The following ADAMTS2 variants were observed in gnomAD, a reference collection of about 807,000 sequenced individuals.
ADAMTS2 encodes the protein ADAM metallopeptidase with thrombospondin type 1 motif 2.
A neutral mutation model predicts 123.0 loss-of-function variants in ADAMTS2; 50 were observed. The observed-to-expected ratio is 0.41, with a 90% CI of 0.32 to 0.51. ADAMTS2 has a LOEUF of 0.51. Ranked by LOEUF, ADAMTS2 falls within the 20% of genes least tolerant of loss-of-function variation. The probability of loss-of-function intolerance (pLI) is 0.35; values close to 1 mark genes in which losing one functional copy is unlikely to be tolerated. For missense variants in ADAMTS2, 1,494 were observed against 1,705.2 expected (o/e 0.88, Z 2.18); for synonymous variants, 678 against 695.4 (o/e 0.98, Z 0.39).
intron 13 of ADAMTS2, among the ~76,000 whole-genome samples, chr5:179,133,869 A>T (rs1763007838): frequency 6.9e-6 from 1 of 145,132 alleles, no homozygotes; most frequent in African/African-American, 2.5e-5. Flanking sequence ...GTCCCAGCTA[A>T]TTTTTTTTTT....
Position 179,312,373 on chromosome 5 carries a change from C to T in ADAMTS2, c.534+31394G>A, listed in dbSNP as rs79722265. The stretch of plus-strand genomic sequence containing the variant: ...ATTATGTCACCAGATTCCATCCACA[C>T]GAATGGGATTTGTGCCCCGATCAGA... On this transcript the variant is annotated intron_variant, in intron 2 of 21. Transcript: ENST00000251582. The surrounding 1 kb of genome is among the most constrained non-coding windows in gnomAD (Gnocchi z 4.2). 6.9e-3 allele frequency among the ~76,000 whole-genome samples: 1,047 copies of T among 152,244 alleles called. 69 individuals carry two copies. The East Asian group carries it at 0.15, about 21-fold the overall frequency.
intron 3 of ADAMTS2, among the ~76,000 whole-genome samples, chr5:179,215,917 A>C (rs1483839536): frequency 2.6e-5 from 4 of 152,202 alleles, no homozygotes; most frequent in African/African-American, 9.6e-5. Flanking sequence ...GTCCAACTGG[A>C]ATTCTGCATC....
rs575839711 is a variant in ADAMTS2 at position 179,225,239 on chromosome 5, G to T, written c.689-17524C>A. On this transcript the variant is annotated intron_variant, in intron 3 of 21. Transcript: ENST00000251582. The surrounding 1 kb of genome is among the most constrained non-coding windows in gnomAD (Gnocchi z 4.5). ...CACATCATGTGCGCTTCAGACAAAG[G>T]ACTAATTTCCTTAATACATAAAGCG... Among the ~76,000 whole-genome samples the T allele has an allele frequency of 1.3e-5, 2 of 152,208 alleles. No individual in the cohort carries two copies. Among genetic ancestry groups the T allele is most frequent in the Non-Finnish European group, 2.9e-5 (2 of 68,042 alleles).
At chr5:179,199,351 G>C (rs543596042) in intron 4 of ADAMTS2, among the ~76,000 whole-genome samples, 1 of 152,180 alleles carries the variant, frequency 6.6e-6, no homozygotes, top group Non-Finnish European at 1.5e-5. Flanking sequence ...GGGCAGGCGT[G>C]GTGGTGGCCA....
At chr5:179,302,405 A>G (rs1202923233) in intron 2 of ADAMTS2, among the ~76,000 whole-genome samples, 1 of 149,494 alleles carries the variant, frequency 6.7e-6, no homozygotes, top group Admixed American at 6.6e-5. Context: ...AAAAAAAAAA[A>G]AAGCGGGGGA....
Position 179,113,596 on chromosome 5 carries a change from C to CT in ADAMTS2, c.*270dup. ...AGTGATCCCTCTTGCCCTGCCCTCA[C>CT]TGAGGGAGGCCATACAGCCTCTATA... is the stretch of plus-strand genomic sequence containing the variant. On this transcript the variant is annotated 3_prime_UTR_variant, in exon 22 of 22. Transcript: ENST00000251582. The CT allele has an allele frequency of 2.0e-6, 1 of 504,452 alleles. No individual in the cohort carries two copies. Among genetic ancestry groups the CT allele is most frequent in the Non-Finnish European group, 3.6e-6 (1 of 278,452 alleles). 31.2% of individuals were successfully genotyped at this position (504,452 alleles called of 1,614,324 possible).
intron 1 of ADAMTS2, among the ~76,000 whole-genome samples, chr5:179,344,800 GC>G (rs1182457781): frequency 6.6e-6 from 1 of 151,974 alleles, no homozygotes; most frequent in African/African-American, 2.4e-5. Context: ...AATCCTTAGG[GC>G]CCAAGGCTAC....
chr5:179,254,287 C>G (rs1765994254), intron 3 of ADAMTS2, among the ~76,000 whole-genome samples: 1 of 152,196 alleles, frequency 6.6e-6, no homozygotes, highest in Admixed American at 6.5e-5. Context: ...CAGCCAGACC[C>G]CAAAGGCCAC....
At chr5:179,116,675 A>G (rs1311697128) in intron 21 of ADAMTS2, among the ~76,000 whole-genome samples, 1 of 152,258 alleles carries the variant, frequency 6.6e-6, no homozygotes, top group East Asian at 1.9e-4. Context: ...AAAAAGATCA[A>G]TGTGAATAAC....
intron 5 of ADAMTS2, among the ~76,000 whole-genome samples, chr5:179,165,335 A>G (rs1018102541): frequency 1.3e-5 from 2 of 152,180 alleles, no homozygotes; most frequent in African/African-American, 4.8e-5. Context: ...TCATATATGG[A>G]TCTCCTCCAG....
chr5:179,259,543 G>A (rs989017972), intron 3 of ADAMTS2, among the ~76,000 whole-genome samples: 13 of 152,184 alleles, frequency 8.5e-5, no homozygotes, highest in South Asian at 2.1e-4. Flanking sequence ...GCCAAGGCAC[G>A]CTGGGAGCAG....
chr5:179,192,398 C>A (rs11741823), intron 4 of ADAMTS2, among the ~76,000 whole-genome samples: 6,150 of 152,316 alleles, frequency 0.04, 165 homozygotes, highest in East Asian at 0.081. Flanking sequence ...TTGGGCTTGG[C>A]GGGAAACGGC....
Position 179,122,762 on chromosome 5 carries a change from G to A in ADAMTS2, c.2970C>T (p.Thr990=), listed in dbSNP as rs769689633. The part of the protein sequence containing the change: ...RAGPWSQCSV[T]CGNGTQERPV... ...GCCGCTCCTGGGTGCCGTTGCCACAGGTTACTGAGCACTGCAGGGGGAGAG... is the reference window on the plus strand; with the variant it reads ...GCCGCTCCTGGGTGCCGTTGCCACAAGTTACTGAGCACTGCAGGGGGAGAG... Residue 990 remains threonine, a synonymous_variant, in exon 20 of 22, where the codon ACC becomes ACT. Transcript: ENST00000251582. The A allele has an allele frequency of 3.3e-5, 52 of 1,555,466 alleles. No homozygotes were observed. Among genetic ancestry groups the A allele is most frequent in the African/African-American group, 5.5e-5 (4 of 73,270 alleles).
chr5:179,258,570 C>G (rs1766129595), intron 3 of ADAMTS2, among the ~76,000 whole-genome samples: 1 of 152,144 alleles, frequency 6.6e-6, no homozygotes, highest in African/African-American at 2.4e-5. Context: ...TCCCTGCAGT[C>G]GTCCAAAAAA....
chr5:179,198,376 T>C (rs187619504), intron 4 of ADAMTS2, among the ~76,000 whole-genome samples: 2 of 152,154 alleles, frequency 1.3e-5, no homozygotes, highest in African/African-American at 2.4e-5. Context: ...CCTCCTAGCC[T>C]CACAGTGCTT....
intron 18 of ADAMTS2, among the ~76,000 whole-genome samples, chr5:179,125,510 T>C (rs1013727919): frequency 6.6e-6 from 1 of 152,172 alleles, no homozygotes; most frequent in Non-Finnish European, 1.5e-5. Flanking sequence ...CCCTGCTACC[T>C]GGCCTCACCT....
rs967495755 is a variant in ADAMTS2, at chr5:179,332,921, C to T, written c.534+10846G>A. Among the ~76,000 whole-genome samples, 11 of 152,156 alleles carry T rather than the reference C, an allele frequency of 7.2e-5. No individual in the cohort carries two copies. The highest frequency in any genetic ancestry group is 2.2e-4 in the African/African-American group (9 of 41,446). On this transcript the variant is annotated intron_variant, in intron 2 of 21. Coordinates refer to ENST00000251582, the MANE Select transcript of ADAMTS2 (RefSeq NM_014244.5). This position sits in a 1 kb window ranked among gnomAD's most constrained non-coding sequence, Gnocchi z 4.2. ...CAACGCCCATGGAGCTCCAGGTGGC[C>T]GCCAAGTGTGGACAGCCCTGCAGCA...
Position 179,137,778 on chromosome 5 carries a change from G to T in ADAMTS2, c.1942C>A (p.His648Asn). Reference protein sequence around the residue: ...DAQHHWLPHEHRDAKERCHLY... With the variant: ...DAQHHWLPHENRDAKERCHLY... ...TCCCAGAAGGGCTCACCATCCCGGT[G>T]CTCGTGGGGCAGCCAGTGGTGCTGG... The change falls in exon 12 of 22, where the codon CAC becomes AAC. Residue 648 changes from histidine to asparagine, a missense_variant. Around this residue, in one of 6 missense-constraint regions of ADAMTS2, gnomAD observed 953 missense variants for 1,124.7 expected, o/e 0.85. Coordinates refer to ENST00000251582, the MANE Select transcript of ADAMTS2 (RefSeq NM_014244.5). 1 of 1,571,824 alleles carries T rather than the reference G, an allele frequency of 6.4e-7. No homozygotes were observed. The highest frequency in any genetic ancestry group is 8.6e-7 in the Non-Finnish European group (1 of 1,161,736).
At chr5:179,193,316 G>A (rs1561797956) in intron 4 of ADAMTS2, among the ~76,000 whole-genome samples, 1 of 152,174 alleles carries the variant, frequency 6.6e-6, no homozygotes, top group African/African-American at 2.4e-5. Flanking sequence ...CTCCGCCTAC[G>A]CCGAGTACTT....
Sources: allele counts gnomAD v4.1 joint callset (sites outside exome capture counted in the v4.1 genomes callset), GRCh38; gene constraint gnomAD v4.1.1; regional missense constraint gnomAD v4.1.1; non-coding constraint Gnocchi (gnomAD v3.1); transcripts MANE v1.5; gene names NCBI Gene and HGNC (gene_info 2026-07-23, HGNC 2026-07-21).